The following LRRC43 variants were observed in gnomAD, a reference collection of about 807,000 sequenced individuals.
LRRC43 encodes the protein leucine rich repeat containing 43.
Under a neutral mutation model 64.3 loss-of-function variants are expected in LRRC43, and 62 were observed. The observed-to-expected ratio is 0.96, with a 90% CI of 0.79 to 1.19. The LOEUF (loss-of-function observed/expected upper bound fraction) is 1.19. Ranked by LOEUF, LRRC43 falls within the 50% of genes most tolerant of loss-of-function variation. LRRC43 has a pLI of 0.00. For synonymous variants in LRRC43, 422 were observed against 382.3 expected (o/e 1.10, Z -1.21); for missense variants, 868 against 845.0 (o/e 1.03, Z -0.34).
intron 4 of LRRC43, among the ~76,000 whole-genome samples, chr12:122,188,163 T>G (rs765035093): frequency 8.5e-5 from 13 of 152,160 alleles, no homozygotes; most frequent in Non-Finnish European, 1.3e-4. Flanking sequence ...CTGGAGCGCA[T>G]TGGCGCCATC....
chr12:122,183,835 C>T (rs1953609663), intron 1 of LRRC43, among the ~76,000 whole-genome samples: 1 of 152,078 alleles, frequency 6.6e-6, no homozygotes, highest in South Asian at 2.1e-4. Context: ...CATAGTGACG[C>T]GATGTCGACT....
In LRRC43 at chr12:122,201,289, C is replaced by G. The variant is rs750549621; in HGVS notation, c.1810-7C>G. The G allele has an allele frequency of 1.2e-6, 2 of 1,613,870 alleles. No individual in the cohort carries two copies. The highest frequency in any genetic ancestry group is 1.3e-5 in the African/African-American group (1 of 74,920). On this transcript the variant is annotated splice_region_variant and splice_polypyrimidine_tract_variant and intron_variant, in intron 10 of 11. Coordinates refer to ENST00000339777, the MANE Select transcript of LRRC43 (RefSeq NM_001098519.2). Reference sequence around the variant, plus strand: ...TAAGCATCTCGTTTTGTGGTTCTTTCTCTCAGGATTCAAAGAAGATTAAGA... The same window carrying G: ...TAAGCATCTCGTTTTGTGGTTCTTTGTCTCAGGATTCAAAGAAGATTAAGA...
chr12:122,170,217 G>A (rs1953472988), intron 1 of LRRC43, among the ~76,000 whole-genome samples: 1 of 152,228 alleles, frequency 6.6e-6, no homozygotes, highest in African/African-American at 2.4e-5. Flanking sequence ...TTTCTAATAT[G>A]TGTAAAGGTG....
In LRRC43 at chr12:122,184,474, G is replaced by A. The variant is rs1163853836; in HGVS notation, c.151-45G>A. The A allele has an allele frequency of 6.3e-7, 1 of 1,599,510 alleles. No homozygotes were observed. On this transcript the variant is annotated intron_variant, in intron 1 of 11. Transcript: ENST00000339777. The surrounding 1 kb of genome is among the most constrained non-coding windows in gnomAD (Gnocchi z 4.0). ...GTTTTGAGAGTTTGGTGTCCTTAAG[G>A]GGGCTGTGTCACACCTACAGAAAAT...
At chr12:122,181,257 T>C (rs141435375), upstream of LRRC43, among the ~76,000 whole-genome samples, 1,044 of 151,448 alleles carry the variant, frequency 6.9e-3, 11 homozygotes, top group African/African-American at 0.024. Flanking sequence ...AAAGGACATA[T>C]GGTTGGCTGG....
intron 4 of LRRC43, among the ~76,000 whole-genome samples, chr12:122,188,096 AT>A (rs1043327651): frequency 6.6e-6 from 1 of 151,964 alleles, no homozygotes; most frequent in Admixed American, 6.6e-5. Context: ...TAATTTTTTA[AT>A]TTTTTTATCT....
intron 11 of LRRC43, among the ~76,000 whole-genome samples, chr12:122,202,841 T>C (rs904260219): frequency 2.0e-5 from 3 of 152,300 alleles, no homozygotes; most frequent in Admixed American, 2.0e-4. Context: ...CCTGTGATCC[T>C]AGCACGTTGG....
chr12:122,192,681 C>A, intron 6 of LRRC43, 64 bp from the exon 7 acceptor site: 2 of 1,578,648 alleles, frequency 1.3e-6, no homozygotes, highest in South Asian at 1.1e-5. Flanking sequence ...ACAGACACCC[C>A]CGGCATCAGC....
Position 122,184,373 on chromosome 12 carries a change from C to G in LRRC43, c.151-146C>G. ...CCTCCCAAAGTGCTGGGATTACAGG[C>G]ATGAGCCACCGCACCTGGCCTACTC... is the stretch of plus-strand genomic sequence containing the variant. On this transcript the variant is annotated intron_variant, in intron 1 of 11. Transcript: ENST00000339777. This position sits in a 1 kb window ranked among gnomAD's most constrained non-coding sequence, Gnocchi z 4.0. 9.9e-7 allele frequency: 1 copy of G among 1,014,888 alleles called. No individual in the cohort carries two copies. 62.9% of individuals were successfully genotyped at this position (1,014,888 alleles called of 1,614,324 possible).
intron 1 of LRRC43, among the ~76,000 whole-genome samples, chr12:122,176,767 G>A (rs891571270): frequency 6.6e-6 from 1 of 151,846 alleles, no homozygotes; most frequent in African/African-American, 2.4e-5. Flanking sequence ...CAATTCTCGT[G>A]CCTCAGCCTC....
At position 122,184,470 on chromosome 12, in the gene LRRC43, T is replaced by G; in HGVS notation, c.151-49T>G. 6.3e-7 allele frequency: 1 copy of G among 1,595,798 alleles called. No homozygotes were observed. Among genetic ancestry groups the G allele is most frequent in the South Asian group, 1.1e-5 (1 of 88,466 alleles). ...TTCTGTTTTGAGAGTTTGGTGTCCT[T>G]AAGGGGGCTGTGTCACACCTACAGA... On this transcript the variant is annotated intron_variant, in intron 1 of 11. Transcript: ENST00000339777. This position sits in a 1 kb window ranked among gnomAD's most constrained non-coding sequence, Gnocchi z 4.0.
At position 122,175,411 on chromosome 12, in the gene LRRC43, C is replaced by A. The variant is rs1953529051; in HGVS notation, c.-406+7629C>A. On this transcript the variant is annotated intron_variant, in intron 1 of 5. Transcript: ENST00000537729. ...CTCAAACGCCTGACCTTGTGATCCACCTGCCTCCGCCTCTCAAAGTGCTGG... is the reference window on the plus strand; with the variant it reads ...CTCAAACGCCTGACCTTGTGATCCAACTGCCTCCGCCTCTCAAAGTGCTGG... Among the ~76,000 whole-genome samples, 6 of 151,950 alleles carry A rather than the reference C, an allele frequency of 3.9e-5. No individual in the cohort carries two copies. In the South Asian group the frequency reaches 1.2e-3, roughly 32 times the overall value.
In LRRC43 at chr12:122,183,176, C is replaced by G. The variant is rs1374351855; in HGVS notation, c.32C>G (p.Ser11Cys). Residue 11 changes from serine to cysteine, a missense_variant, in exon 1 of 12, where the codon TCC becomes TGC. Coordinates refer to ENST00000339777, the MANE Select transcript of LRRC43 (RefSeq NM_001098519.2). MEASYESESE[S>C]ESEAGPGTQR... ...GCGTCGTACGAGTCCGAGTCCGAGT[C>G]CGAGTCTGAGGCCGGGCCTGGGACT... 12 of 1,556,876 alleles carry G rather than the reference C, an allele frequency of 7.7e-6. No individual in the cohort carries two copies. In the South Asian group the frequency reaches 1.2e-4, roughly 15 times the overall value.
At chr12:122,169,311 C>A (rs1285412681) in intron 1 of LRRC43, among the ~76,000 whole-genome samples, 6 of 152,178 alleles carry the variant, frequency 3.9e-5, no homozygotes, top group Non-Finnish European at 7.3e-5. Flanking sequence ...CTTAAAGTTT[C>A]ACCTGCTAAC....
chr12:122,198,347 G>A (rs968931598), intron 7 of LRRC43, among the ~76,000 whole-genome samples: 8 of 152,030 alleles, frequency 5.3e-5, no homozygotes, highest in Non-Finnish European at 8.8e-5. Context: ...GGTTTTTAGT[G>A]TATTCACAGA....
intron 4 of LRRC43, 98 bp downstream of exon 4, chr12:122,187,938 TTTGTAACTCCCAG>T: frequency 8.1e-7 from 1 of 1,242,014 alleles, no homozygotes; most frequent in Admixed American, 2.0e-5. Context: ...TTTGGTCTTT[TTTGTAACTCCCAG>T]TTGGCTGCTA....
chr12:122,182,877 A>C, upstream of LRRC43: 1 of 493,096 alleles, frequency 2.0e-6, no homozygotes. Context: ...TCAGATGGGT[A>C]TAGGATGACT....
Position 122,187,669 on chromosome 12 carries a change from C to T in LRRC43, c.523-32C>T, listed in dbSNP as rs774282480. On this transcript the variant is annotated intron_variant, in intron 3 of 11. Transcript: ENST00000339777. Reference sequence around the variant, plus strand: ...GATCCTCAGCGCTGACTTGGGGCCCCATCGTCCCGGGCCTTCCGTGTGGTC... The same window carrying T: ...GATCCTCAGCGCTGACTTGGGGCCCTATCGTCCCGGGCCTTCCGTGTGGTC... 4.4e-6 allele frequency: 7 copies of T among 1,608,000 alleles called. 1 individual carries two copies. The East Asian group carries it at 1.6e-4, about 36-fold the overall frequency.
In LRRC43 at chr12:122,191,414, C is replaced by T. The variant is rs969849647; in HGVS notation, c.936C>T (p.Thr312=). 1.2e-6 allele frequency: 2 copies of T among 1,613,410 alleles called. No individual in the cohort carries two copies. Among genetic ancestry groups the T allele is most frequent in the African/African-American group, 2.7e-5 (2 of 74,876 alleles). ...CACAGGAGGCGCAGTTTGTGGTGAC[C>T]ATCGGAAACATCAGAGGAGTCCTGG... ...LLAQEAQFVV[T]IGNIRGVLDT... The change falls in exon 6 of 12, where the codon ACC becomes ACT. Residue 312 remains threonine (T), a synonymous_variant. Coordinates refer to ENST00000339777, the MANE Select transcript of LRRC43 (RefSeq NM_001098519.2).
Sources: allele counts gnomAD v4.1 joint callset (sites outside exome capture counted in the v4.1 genomes callset), GRCh38; gene constraint gnomAD v4.1.1; non-coding constraint Gnocchi (gnomAD v3.1); transcripts MANE v1.5; gene names NCBI Gene and HGNC (gene_info 2026-07-23, HGNC 2026-07-21).